Variants in RNF150 observed in about 807,000 individuals in gnomAD.
RNF150 encodes ring finger protein 150.
Under a neutral mutation model 39.3 loss-of-function variants are expected in RNF150, and 24 were observed. The observed-to-expected ratio is 0.61, with a 90% CI of 0.44 to 0.86. The LOEUF (loss-of-function observed/expected upper bound fraction) is 0.86, where lower values mean the gene tolerates loss of function less well. RNF150 is among the 40% of genes least tolerant of loss of function. The probability of loss-of-function intolerance (pLI) is 0.00; values close to 1 mark genes in which losing one functional copy is unlikely to be tolerated. For synonymous variants in RNF150, 255 were observed against 227.3 expected, an observed-to-expected ratio of 1.12 and a Z score of -1.10; for missense variants, 502 against 587.8, an observed-to-expected ratio of 0.85 and a Z score of 1.51.
intron 1 of RNF150, among the ~76,000 whole-genome samples, chr4:141,016,229 G>C (rs1735268859): frequency 6.6e-6 from 1 of 152,152 alleles, no homozygotes; most frequent in African/African-American, 2.4e-5. Flanking sequence ...ATTTCTCAAA[G>C]GTGAAAATCA....
At chr4:141,121,605 A>AC (rs1421744729) in intron 1 of RNF150, among the ~76,000 whole-genome samples, 1 of 152,142 alleles carries the variant, frequency 6.6e-6, no homozygotes, top group African/African-American at 2.4e-5. Flanking sequence ...TGACTGTTTT[A>AC]CAGAAGTTTG....
chr4:140,911,328 C>T lies in RNF150; in HGVS notation c.1014G>A (p.Leu338=), dbSNP rs988184604. 35 of 1,613,962 alleles carry T rather than the reference C, an allele frequency of 2.2e-5. No homozygotes were observed. Among genetic ancestry groups the T allele is most frequent in the East Asian group, 6.7e-5 (3 of 44,864 alleles). ...CCAGAGAGCCCTCGAAGTCAGTGGG[C>T]AAGTCGTCCATGCAGTCGGCATTGG... ...IPPNADCMDD[L]PTDFEGSLGG... The change falls in exon 6 of 7, where the codon TTG becomes TTA. Residue 338 remains leucine (L), a synonymous_variant. Transcript: ENST00000515673.
At chr4:140,940,621 C>A (rs539649028) in intron 4 of RNF150, among the ~76,000 whole-genome samples, 1 of 152,254 alleles carries the variant, frequency 6.6e-6, no homozygotes, top group Admixed American at 6.5e-5. Flanking sequence ...AAGGAACTGG[C>A]CAAAACCAGC....
At chr4:141,134,508 G>GT (rs1726992549), upstream of RNF150, among the ~76,000 whole-genome samples, 1 of 152,142 alleles carries the variant, frequency 6.6e-6, no homozygotes, top group South Asian at 2.1e-4. Context: ...ACTTTAGCAT[G>GT]TTTACAGCTC....
At chr4:140,997,393 C>T (rs1419008081) in intron 1 of RNF150, among the ~76,000 whole-genome samples, 4 of 151,946 alleles carry the variant, frequency 2.6e-5, no homozygotes, top group South Asian at 4.2e-4. Context: ...GAGGCCAAGG[C>T]GGGTGGATCA....
intron 1 of RNF150, among the ~76,000 whole-genome samples, chr4:141,166,760 C>CTAGCATG: frequency 6.6e-6 from 1 of 152,226 alleles, no homozygotes; most frequent in Admixed American, 6.5e-5. Context: ...ATGCTAAAAA[C>CTAGCATG]ACTCAATAAA....
chr4:141,181,880 T>A (rs1453398731), intron 1 of RNF150, among the ~76,000 whole-genome samples: 2 of 152,258 alleles, frequency 1.3e-5, no homozygotes, highest in South Asian at 4.1e-4. Context: ...CAATGGGAAG[T>A]AATTGGAAGT....
intron 1 of RNF150, among the ~76,000 whole-genome samples, chr4:141,030,379 G>T (rs1735893615): frequency 6.6e-6 from 1 of 152,050 alleles, no homozygotes; most frequent in Non-Finnish European, 1.5e-5. Context: ...AGCCATTATG[G>T]AAAACAGTTT....
intron 1 of RNF150, among the ~76,000 whole-genome samples, chr4:141,076,171 T>G (rs928337332): frequency 9.2e-5 from 14 of 152,218 alleles, no homozygotes; most frequent in African/African-American, 2.9e-4. Flanking sequence ...AAAGATGACA[T>G]GTACAGGAAA....
At chr4:140,898,103 T>G (rs1319294661) in intron 6 of RNF150, among the ~76,000 whole-genome samples, 1 of 152,152 alleles carries the variant, frequency 6.6e-6, no homozygotes, top group African/African-American at 2.4e-5. Flanking sequence ...TACCACTCAG[T>G]ATGGATGGAC....
intron 1 of RNF150, among the ~76,000 whole-genome samples, chr4:141,114,809 T>C (rs1739496410): frequency 6.6e-6 from 1 of 152,210 alleles, no homozygotes. Flanking sequence ...TCAAGTCAGC[T>C]TCATCCCTGG....
At chr4:140,995,584 C>T (rs756736930) in intron 1 of RNF150, among the ~76,000 whole-genome samples, 17 of 152,084 alleles carry the variant, frequency 1.1e-4, no homozygotes, top group African/African-American at 2.9e-4. Context: ...AAGCTGCTTC[C>T]GCCCCATCCC....
chr4:141,184,253 G>A (rs924997227), intron 1 of RNF150, among the ~76,000 whole-genome samples: 2 of 152,168 alleles, frequency 1.3e-5, no homozygotes, highest in African/African-American at 4.8e-5. Context: ...TTTCTCTAAT[G>A]ACCAGTAATG....
chr4:141,184,970 CTGTGTTCTT>C (rs1184766915), intron 1 of RNF150, among the ~76,000 whole-genome samples: 4 of 151,126 alleles, frequency 2.6e-5, no homozygotes, highest in Non-Finnish European at 1.5e-5. Context: ...ATGCCTCCAG[CTGTGTTCTT>C]TTTGCTTCAG....
chr4:140,884,623 A>G (rs893118226), intron 6 of RNF150, among the ~76,000 whole-genome samples: 1 of 152,148 alleles, frequency 6.6e-6, no homozygotes, highest in East Asian at 1.9e-4. Flanking sequence ...AAGCTGTGGT[A>G]CTGGAGCTCC....
chr4:140,945,821 G>C (rs1229691822), intron 4 of RNF150, among the ~76,000 whole-genome samples: 1 of 151,464 alleles, frequency 6.6e-6, no homozygotes, highest in Non-Finnish European at 1.5e-5. Flanking sequence ...AATTGGCTCT[G>C]AATTTTTTTT....
At chr4:140,902,632 G>C (rs2111253721) in intron 6 of RNF150, among the ~76,000 whole-genome samples, 1 of 151,940 alleles carries the variant, frequency 6.6e-6, no homozygotes, top group African/African-American at 2.4e-5. Flanking sequence ...TAATATTTTG[G>C]CTTAAATAAC....
intron 4 of RNF150, among the ~76,000 whole-genome samples, chr4:140,935,083 T>C (rs1157586050): frequency 8.3e-6 from 1 of 120,058 alleles, no homozygotes; most frequent in Non-Finnish European, 1.7e-5. Flanking sequence ...ATATATAATA[T>C]ATATAATAAA....
rs1029109569 is a variant in RNF150 at position 140,862,003 on chromosome 4, T to C, written c.*6258A>G. On this transcript the variant is annotated 3_prime_UTR_variant, in exon 7 of 7. Coordinates refer to ENST00000515673, the MANE Select transcript of RNF150 (RefSeq NM_020724.2). ...ACCTTCGCTTTTATTTATGAGAACA[T>C]TGGGAGAAAATTCAACTAGTCAATG... 6.6e-6 allele frequency: 1 copy of C among 152,100 alleles called. No homozygotes were observed. Among genetic ancestry groups the C allele is most frequent in the African/African-American group, 2.4e-5 (1 of 41,436 alleles). The allele number at this position is 152,100 out of a possible 1,614,324, so 9.4% of individuals were successfully genotyped here.
Sources: allele counts gnomAD v4.1 joint callset (sites outside exome capture counted in the v4.1 genomes callset), GRCh38; gene constraint gnomAD v4.1.1; transcripts MANE v1.5; gene names NCBI Gene and HGNC (gene_info 2026-07-23, HGNC 2026-07-21).